Variants in NTM observed in about 807,000 individuals in gnomAD.
NTM encodes the protein neurotrimin.
NTM carries 13 observed loss-of-function variants against 42.1 expected under a neutral mutation model. That is an observed-to-expected ratio of 0.31 (90% CI 0.20 to 0.49). NTM has a LOEUF of 0.49. Ranked by LOEUF, NTM falls within the 20% of genes least tolerant of loss-of-function variation. NTM has a pLI of 0.99. For missense variants in NTM, 373 were observed against 452.8 expected (o/e 0.82, Z 1.60); for synonymous variants, 187 against 179.2 (o/e 1.04, Z -0.35).
At chr11:131,822,036 AAAC>A (rs2093211327) in intron 1 of NTM, among the ~76,000 whole-genome samples, 1 of 152,232 alleles carries the variant, frequency 6.6e-6, no homozygotes, top group Admixed American at 6.5e-5. Flanking sequence ...AGGAAAGTCG[AAAC>A]ACTTTTAGAG....
At chr11:132,213,554 C>A (rs2083266224) in intron 4 of NTM, among the ~76,000 whole-genome samples, 1 of 151,958 alleles carries the variant, frequency 6.6e-6, no homozygotes. Flanking sequence ...GGTGACTGTG[C>A]ATGACAGTGT....
intron 2 of NTM, among the ~76,000 whole-genome samples, chr11:132,071,838 T>C (rs2057717774): frequency 6.6e-6 from 1 of 152,168 alleles, no homozygotes; most frequent in African/African-American, 2.4e-5. Flanking sequence ...CTCATATATA[T>C]GGTAACCAGG....
At chr11:132,260,281 C>A (rs2092768020) in intron 4 of NTM, among the ~76,000 whole-genome samples, 1 of 150,398 alleles carries the variant, frequency 6.6e-6, no homozygotes, top group Admixed American at 6.6e-5. Flanking sequence ...GATAAGAGAA[C>A]ATAAGTTCAG....
chr11:131,831,550 A>C (rs2042822263), intron 1 of NTM, among the ~76,000 whole-genome samples: 1 of 152,186 alleles, frequency 6.6e-6, no homozygotes, highest in Admixed American at 6.5e-5. Flanking sequence ...CCAAGCCTCC[A>C]GAAAGTCAGG....
At chr11:132,009,371 G>T (rs923047069) in intron 2 of NTM, among the ~76,000 whole-genome samples, 1 of 152,142 alleles carries the variant, frequency 6.6e-6, no homozygotes, top group Non-Finnish European at 1.5e-5. Flanking sequence ...TCATGGGAGA[G>T]CCTGTCAGAT....
rs533658109 is a variant in NTM at position 131,732,596 on chromosome 11, G to A, written c.83-178968G>A. ...CGCCCCCAAACTTTTGATTTCCACG[G>A]GTGTTTCATTCACAGAAAGTCTCAT... On this transcript the variant is annotated intron_variant, in intron 1 of 8. Transcript: ENST00000683400. Among the ~76,000 whole-genome samples, 94 of 152,270 alleles carry A rather than the reference G, an allele frequency of 6.2e-4. 1 individual carries two copies. The highest frequency in any genetic ancestry group is 2.2e-3 in the African/African-American group (91 of 41,562).
Position 131,679,005 on chromosome 11 carries a change from T to TA in NTM, c.83-232553dup, listed in dbSNP as rs542470427. ...TCATGTTACATGATTGCTTTTAAAA[T>TA]AAAAAATATCTCATTTCTGGAGAAA... On this transcript the variant is annotated intron_variant, in intron 1 of 8. Coordinates refer to ENST00000683400, the MANE Select transcript of NTM (RefSeq NM_001352005.2). Among the ~76,000 whole-genome samples, 389 of 152,294 alleles carry TA rather than the reference T, an allele frequency of 2.6e-3. 3 individuals carry two copies. The highest frequency in any genetic ancestry group is 8.8e-3 in the African/African-American group (365 of 41,566).
At chr11:132,242,485 G>T (rs2090384362) in intron 4 of NTM, among the ~76,000 whole-genome samples, 1 of 152,190 alleles carries the variant, frequency 6.6e-6, no homozygotes, top group Admixed American at 6.5e-5. Context: ...GAAAGAAGAG[G>T]TGTCATTTGG....
chr11:132,043,622 C>T (rs1023314199), intron 2 of NTM, among the ~76,000 whole-genome samples: 3 of 152,276 alleles, frequency 2.0e-5, no homozygotes, highest in East Asian at 3.9e-4. Flanking sequence ...AGTGGTCACC[C>T]GTTATGGCTC....
intron 1 of NTM, among the ~76,000 whole-genome samples, chr11:131,519,092 C>T (rs1194476667): frequency 1.3e-5 from 2 of 152,182 alleles, no homozygotes; most frequent in African/African-American, 2.4e-5. Context: ...ATAGATTATG[C>T]CTCACCTGCT....
chr11:132,007,571 GCAAAGAGTGTATC>G (rs950127899), intron 2 of NTM, among the ~76,000 whole-genome samples: 59 of 152,308 alleles, frequency 3.9e-4, no homozygotes, highest in African/African-American at 1.4e-3. Context: ...CTTTATTTAT[GCAAAGAGTGTATC>G]CCTGGGGGAA....
chr11:132,330,321 C>A, intron 8 of NTM, 136 bp downstream of exon 8: 2 of 908,278 alleles, frequency 2.2e-6, no homozygotes, highest in Non-Finnish European at 1.7e-6. Flanking sequence ...CAACCTTCAA[C>A]CATCTCCGTG....
In NTM at chr11:132,320,603, G is replaced by A. The variant is rs559687387; in HGVS notation, c.934+5900G>A. Among the ~76,000 whole-genome samples the A allele has an allele frequency of 8.1e-4, 123 of 152,316 alleles. 1 individual carries two copies. The highest frequency in any genetic ancestry group is 2.8e-3 in the African/African-American group (117 of 41,566). ...AGGTGGCAGTGAGGCTGGGGGAGGG[G>A]TGCCCGCCATTGCCCAGGCTTGCTT... On this transcript the variant is annotated intron_variant, in intron 7 of 8. Coordinates refer to ENST00000683400, the MANE Select transcript of NTM (RefSeq NM_001352005.2).
chr11:132,331,848 A>T (rs545089064), intron 8 of NTM, among the ~76,000 whole-genome samples: 33 of 152,016 alleles, frequency 2.2e-4, no homozygotes, highest in Non-Finnish European at 4.3e-4. Context: ...CGGAGGGGAG[A>T]GTGTGTGAGG....
At chr11:131,938,907 G>A (rs758171063) in intron 2 of NTM, among the ~76,000 whole-genome samples, 54 of 152,150 alleles carry the variant, frequency 3.5e-4, no homozygotes, top group Non-Finnish European at 6.8e-4. Context: ...AGAGAGACTG[G>A]TGGAGTAGGT....
chr11:131,722,808 A>G (rs1461624995), intron 1 of NTM, among the ~76,000 whole-genome samples: 5 of 152,214 alleles, frequency 3.3e-5, no homozygotes, highest in East Asian at 1.9e-4. Flanking sequence ...TACAAAATAT[A>G]TAATATGTAT....
At chr11:132,280,873 A>G (rs539272851) in intron 4 of NTM, among the ~76,000 whole-genome samples, 1 of 152,286 alleles carries the variant, frequency 6.6e-6, no homozygotes, top group East Asian at 1.9e-4. Flanking sequence ...AAAGCCACCT[A>G]TAGCTAGCTG....
intron 2 of NTM, among the ~76,000 whole-genome samples, chr11:131,937,378 C>T (rs2059336654): frequency 6.6e-6 from 1 of 152,086 alleles, no homozygotes; most frequent in Admixed American, 6.6e-5. Context: ...GGAGGTAAAA[C>T]GTGAGCTCAC....
intron 1 of NTM, among the ~76,000 whole-genome samples, chr11:131,447,864 A>C (rs1375605189): frequency 6.6e-6 from 1 of 152,200 alleles, no homozygotes; most frequent in Non-Finnish European, 1.5e-5. Flanking sequence ...TGCACCGCAG[A>C]TGAGGGCTCC....
Sources: allele counts gnomAD v4.1 joint callset (sites outside exome capture counted in the v4.1 genomes callset), GRCh38; gene constraint gnomAD v4.1.1; transcripts MANE v1.5; gene names NCBI Gene and HGNC (gene_info 2026-07-23, HGNC 2026-07-21).